PIK3CD: variants seen among roughly 807,000 people sequenced by gnomAD.
PIK3CD encodes the protein phosphatidylinositol-4,5-bisphosphate 3-kinase catalytic subunit delta, also known as phosphatidylinositol 4,5-bisphosphate 3-kinase catalytic subunit delta isoform.
Under a neutral mutation model 122.9 loss-of-function variants are expected in PIK3CD, and 20 were observed. The ratio of observed to expected loss-of-function variants is 0.16; its 90% CI spans 0.11 to 0.24. The LOEUF (loss-of-function observed/expected upper bound fraction) is 0.24, where lower values mean the gene tolerates loss of function less well. PIK3CD is among the 10% of genes least tolerant of loss of function. The pLI, the probability that PIK3CD is intolerant of heterozygous loss-of-function variation, is 1.00. For missense variants in PIK3CD, 787 were observed against 1,406.3 expected, an observed-to-expected ratio of 0.56 and a Z score of 7.04; for synonymous variants, 596 against 593.4, an observed-to-expected ratio of 1.00 and a Z score of -0.06.
chr1:9,720,704 G>T lies in PIK3CD; in HGVS notation c.1522-38G>T. On this transcript the variant is annotated intron_variant, in intron 12 of 23. Transcript: ENST00000377346. This position sits in a 1 kb window ranked among gnomAD's most constrained non-coding sequence, Gnocchi z 9.0. The stretch of plus-strand genomic sequence containing the variant: ...GTGGGGTGGGGGGCATGGAGCCGGC[G>T]TGGAACCAGAGCCCTCACTCCTGCC... 1 of 1,592,942 alleles carries T rather than the reference G, an allele frequency of 6.3e-7. No homozygotes were observed. Among genetic ancestry groups the T allele is most frequent in the South Asian group, 1.1e-5 (1 of 88,406 alleles).
At chr1:9,650,995 C>CTA (rs1217004281), upstream of PIK3CD, among the ~76,000 whole-genome samples, 5 of 152,272 alleles carry the variant, frequency 3.3e-5, no homozygotes, top group East Asian at 9.7e-4. Context: ...AAGGTGTGCA[C>CTA]CACCACGACT....
At chr1:9,632,334 C>A in the PIK3CD span, among the ~76,000 whole-genome samples, 1 of 152,034 alleles carries the variant, frequency 6.6e-6, no homozygotes, top group Non-Finnish European at 1.5e-5. Context: ...TTTTTAAAGA[C>A]AGAGGGTCTC....
intron 23 of PIK3CD, among the ~76,000 whole-genome samples, 160 bp downstream of exon 23, chr1:9,725,096 TGG>T (rs1489404147): frequency 6.6e-6 from 1 of 151,872 alleles, no homozygotes; most frequent in Non-Finnish European, 1.5e-5. Context: ...TGGTGGGCGG[TGG>T]AGGGGAAAGT....
intron 2 of PIK3CD, among the ~76,000 whole-genome samples, chr1:9,696,859 G>A (rs938016259): frequency 2.6e-5 from 4 of 151,656 alleles, no homozygotes; most frequent in Admixed American, 1.3e-4. Context: ...ACTTTGGGAA[G>A]CCAAGGCAGG....
upstream of PIK3CD, among the ~76,000 whole-genome samples, chr1:9,646,774 G>A (rs1016292929): frequency 4.6e-5 from 7 of 151,952 alleles, no homozygotes; most frequent in Non-Finnish European, 1.0e-4. Context: ...CCAACATGGT[G>A]AAACCCTATC....
chr1:9,703,303 C>T (rs1646716147), intron 2 of PIK3CD, among the ~76,000 whole-genome samples: 1 of 152,266 alleles, frequency 6.6e-6, no homozygotes, highest in African/African-American at 2.4e-5. Context: ...CCAAGCCAAT[C>T]CCCATGGCCT....
intron 1 of PIK3CD, among the ~76,000 whole-genome samples, chr1:9,679,389 A>T (rs1570178023): frequency 6.6e-6 from 1 of 151,846 alleles, no homozygotes; most frequent in South Asian, 2.1e-4. Context: ...TCTATAGAGG[A>T]TGAGAAGTCA....
chr1:9,721,694 G>A (rs887460131), intron 15 of PIK3CD, 67 bp from the exon 16 acceptor site: 21 of 1,605,066 alleles, frequency 1.3e-5, no homozygotes, highest in South Asian at 2.2e-5. Context: ...GCCTCGCTAG[G>A]TCCTGCTGGG....
At chr1:9,694,473 G>A (rs1646325747) in intron 2 of PIK3CD, among the ~76,000 whole-genome samples, 1 of 152,166 alleles carries the variant, frequency 6.6e-6, no homozygotes, top group African/African-American at 2.4e-5. Flanking sequence ...GGTGGAGGTT[G>A]CGGTGAGCCA....
In PIK3CD at chr1:9,655,697, C is replaced by CTT. The variant is rs576002642; in HGVS notation, c.-138+3912_-138+3913dup. ...CCTATTACTTTCTTTCTTTTTTCTT[C>CTT]TTTTTTTTTTTTTTTTTTGAGACGG... On this transcript the variant is annotated intron_variant, in intron 1 of 23. Coordinates refer to ENST00000377346, the MANE Select transcript of PIK3CD (RefSeq NM_005026.5). Among the ~76,000 whole-genome samples the CTT allele has an allele frequency of 1.7e-3, 210 of 120,728 alleles. 1 individual carries two copies. Among genetic ancestry groups the CTT allele is most frequent in the Middle Eastern group, 4.4e-3 (1 of 226 alleles). The allele number at this position is 120,728 out of a possible 152,430, so 79.2% of individuals were successfully genotyped here. A position where few individuals can be genotyped will look rare whatever the true frequency, so the allele number is the denominator to read the frequency against.
chr1:9,659,453 A>G (rs1008098032), intron 1 of PIK3CD, among the ~76,000 whole-genome samples: 4 of 152,144 alleles, frequency 2.6e-5, no homozygotes, highest in African/African-American at 9.7e-5. Context: ...TGGGATTTAC[A>G]CTATTGTGCA....
rs1186863625 is a variant in PIK3CD, at chr1:9,704,732, C to A, written c.-32-5692C>A. On this transcript the variant is annotated intron_variant, in intron 2 of 23. Transcript: ENST00000377346. The surrounding 1 kb of genome is among the most constrained non-coding windows in gnomAD (Gnocchi z 5.0). ...TTTACCATGTTTCGCAGGCTGGTCA[C>A]CAATGCCTGAGCTCAAAGTGATCCA... Among the ~76,000 whole-genome samples, 1 of 152,176 alleles carries A rather than the reference C, an allele frequency of 6.6e-6. No individual in the cohort carries two copies. Among genetic ancestry groups the A allele is most frequent in the Non-Finnish European group, 1.5e-5 (1 of 68,024 alleles).
At chr1:9,684,389 T>G (rs934937537) in intron 1 of PIK3CD, among the ~76,000 whole-genome samples, 3 of 151,266 alleles carry the variant, frequency 2.0e-5, no homozygotes, top group African/African-American at 7.3e-5. Flanking sequence ...ATACAAAAAT[T>G]AGCTGGGCAT....
At position 9,652,487 on chromosome 1, in the gene PIK3CD, A is replaced by C. The variant is rs771166683; in HGVS notation, c.-138+685A>C. 6.6e-6 allele frequency: 1 copy of C among 152,216 alleles called. No individual in the cohort carries two copies. The highest frequency in any genetic ancestry group is 2.4e-5 in the African/African-American group (1 of 41,462). The allele number at this position is 152,216 out of a possible 1,614,324, so 9.4% of individuals were successfully genotyped here. Reference sequence around the variant, plus strand: ...CCGCGTTGCTCGCCGCGTTTGCTGCAGCGGCGCAGGCGAGATCAGCTCCGG... The same window carrying C: ...CCGCGTTGCTCGCCGCGTTTGCTGCCGCGGCGCAGGCGAGATCAGCTCCGG... On this transcript the variant is annotated intron_variant, in intron 1 of 23. Coordinates refer to ENST00000377346, the MANE Select transcript of PIK3CD (RefSeq NM_005026.5). The surrounding 1 kb of genome is among the most constrained non-coding windows in gnomAD (Gnocchi z 6.2).
At position 9,717,464 on chromosome 1, in the gene PIK3CD, G is replaced by A. The variant is rs1468685818; in HGVS notation, c.931-73G>A. On this transcript the variant is annotated intron_variant, in intron 7 of 23. Transcript: ENST00000377346. The surrounding 1 kb of genome is among the most constrained non-coding windows in gnomAD (Gnocchi z 5.4). ...CTCTCACCCGCCCCCAAGTGGTCAC[G>A]GGCCTCACCATAGGCCAGGGAGACA... 13 of 1,438,978 alleles carry A rather than the reference G, an allele frequency of 9.0e-6. No homozygotes were observed. Among genetic ancestry groups the A allele is most frequent in the African/African-American group, 5.6e-5 (4 of 71,740 alleles). 89.1% of individuals were successfully genotyped at this position (1,438,978 alleles called of 1,614,324 possible). A position where few individuals can be genotyped will look rare whatever the true frequency, so the allele number is the denominator to read the frequency against.
chr1:9,691,525 C>T lies in PIK3CD; in HGVS notation c.-79C>T, dbSNP rs1646195464. 2.5e-6 allele frequency: 1 copy of T among 398,522 alleles called. No homozygotes were observed. Among genetic ancestry groups the T allele is most frequent in the Non-Finnish European group, 4.4e-6 (1 of 226,084 alleles). The allele number at this position is 398,522 out of a possible 1,614,324, so 24.7% of individuals were successfully genotyped here. On this transcript the variant is annotated 5_prime_UTR_variant, in exon 2 of 24. Coordinates refer to ENST00000377346, the MANE Select transcript of PIK3CD (RefSeq NM_005026.5). ...TTGATTCTAAAGCATCTTTAATCTGCCAGGCGGAGGGGGCTTTGCTGGTCT... is the reference window on the plus strand; with the variant it reads ...TTGATTCTAAAGCATCTTTAATCTGTCAGGCGGAGGGGGCTTTGCTGGTCT...
chr1:9,683,278 A>T (rs1475496639), intron 1 of PIK3CD, among the ~76,000 whole-genome samples: 2 of 151,706 alleles, frequency 1.3e-5, no homozygotes, highest in Non-Finnish European at 2.9e-5. Flanking sequence ...CTCTACTAAA[A>T]ATACAAAAAA....
At chr1:9,706,491 T>G (rs1362092259) in intron 2 of PIK3CD, among the ~76,000 whole-genome samples, 7 of 151,974 alleles carry the variant, frequency 4.6e-5, no homozygotes, top group Non-Finnish European at 8.8e-5. Flanking sequence ...AGACCCTATC[T>G]CAACAGAAAA....
rs1647876598 is a variant in PIK3CD, at chr1:9,718,273, G to A, written c.1021-421G>A. ...GGATCAGAGGGACTTCCAGGGTGGT[G>A]GTGTCAGGTGGAATTGGAAGGGGCC... On this transcript the variant is annotated intron_variant, in intron 8 of 23. Coordinates refer to ENST00000377346, the MANE Select transcript of PIK3CD (RefSeq NM_005026.5). The surrounding 1 kb of genome is among the most constrained non-coding windows in gnomAD (Gnocchi z 7.2). 6 of 464,760 alleles carry A rather than the reference G, an allele frequency of 1.3e-5. No homozygotes were observed. Among genetic ancestry groups the A allele is most frequent in the Non-Finnish European group, 2.6e-5 (6 of 234,876 alleles). The allele number at this position is 464,760 out of a possible 1,614,324, so 28.8% of individuals were successfully genotyped here.
Sources: gnomAD v4.1 joint callset for allele counts (sites outside exome capture counted in the v4.1 genomes callset) on GRCh38, gnomAD v4.1.1 for gene constraint, Gnocchi (gnomAD v3.1) non-coding constraint, MANE v1.5 for transcripts, NCBI Gene and HGNC (gene_info 2026-07-23, HGNC 2026-07-21) for gene names.